C5orf63: variants seen among roughly 807,000 people sequenced by gnomAD.
The protein encoded by C5orf63 is glutaredoxin-like protein C5orf63.
Under a neutral mutation model 13.3 loss-of-function variants are expected in C5orf63, and 18 were observed. That is an observed-to-expected ratio of 1.36 (90% CI 0.94 to 2.01). C5orf63 has a LOEUF of 2.01. C5orf63 is among the 30% of genes most tolerant of loss of function. The probability of loss-of-function intolerance (pLI) is 0.00; values close to 1 mark genes in which losing one functional copy is unlikely to be tolerated. For missense variants in C5orf63, 118 were observed against 127.7 expected (o/e 0.92, Z 0.36); for synonymous variants, 38 against 44.7 (o/e 0.85, Z 0.60).
downstream of C5orf63, among the ~76,000 whole-genome samples, chr5:127,048,270 CA>C (rs1753569294): frequency 3.3e-5 from 5 of 151,850 alleles, no homozygotes; most frequent in African/African-American, 1.2e-4. Flanking sequence ...CACACACACA[CA>C]CACACACACA....
chr5:127,047,697 C>T (rs2126877877), downstream of C5orf63: 1 of 703,772 alleles, frequency 1.4e-6, no homozygotes, highest in East Asian at 2.7e-5. Flanking sequence ...AACAACAGGT[C>T]ATATCAGGAC....
downstream of C5orf63, among the ~76,000 whole-genome samples, chr5:127,049,232 C>T (rs888120908): frequency 1.3e-5 from 2 of 152,140 alleles, no homozygotes; most frequent in South Asian, 4.1e-4. Flanking sequence ...GCCAAAAGCA[C>T]ATTAGCTAAG....
intron 3 of C5orf63, among the ~76,000 whole-genome samples, chr5:127,052,976 T>G (rs180683912): frequency 6.6e-6 from 1 of 152,342 alleles, no homozygotes; most frequent in African/African-American, 2.4e-5. Flanking sequence ...TTCACTGATC[T>G]AAGGGCTTTG....
At chr5:127,054,594 T>C (rs958041248) in intron 3 of C5orf63, among the ~76,000 whole-genome samples, 6 of 152,246 alleles carry the variant, frequency 3.9e-5, no homozygotes, top group Non-Finnish European at 7.3e-5. Context: ...TTTGATTTTT[T>C]CTTGTAAATT....
At chr5:127,061,317 C>T (rs767189592) in intron 2 of C5orf63, among the ~76,000 whole-genome samples, 12 of 152,236 alleles carry the variant, frequency 7.9e-5, no homozygotes, top group East Asian at 1.9e-4. Flanking sequence ...CAGAATGATA[C>T]GACTTTAGAG....
intron 2 of C5orf63, among the ~76,000 whole-genome samples, chr5:127,063,546 C>T (rs1754190910): frequency 6.6e-6 from 1 of 152,178 alleles, no homozygotes. Flanking sequence ...TACAAAGAAT[C>T]CTTTGGCACA....
At chr5:127,053,632 G>A (rs1267809626) in intron 3 of C5orf63, among the ~76,000 whole-genome samples, 1 of 152,118 alleles carries the variant, frequency 6.6e-6, no homozygotes, top group African/African-American at 2.4e-5. Flanking sequence ...CACACCCTGT[G>A]TCCAAGTGTT....
intron 2 of C5orf63, among the ~76,000 whole-genome samples, chr5:127,062,423 A>T (rs1460265679): frequency 5.3e-5 from 8 of 152,244 alleles, no homozygotes; most frequent in African/African-American, 1.9e-4. Context: ...TCTAAGGTAT[A>T]TGCATTTTGT....
rs967509607 is a variant in C5orf63, at chr5:127,057,086, G to C, written c.114+1796C>G. The stretch of plus-strand genomic sequence containing the variant: ...GCTGAGTGAGCAACACCAGCCTTAA[G>C]GGATTATTTAACTTCTGTGGTTTGC... On this transcript the variant is annotated intron_variant, in intron 3 of 4. Transcript: ENST00000296662. Among the ~76,000 whole-genome samples, 3 of 152,294 alleles carry C rather than the reference G, an allele frequency of 2.0e-5. No individual in the cohort carries two copies. The South Asian group carries it at 6.2e-4, about 32-fold the overall frequency.
intron 3 of C5orf63, among the ~76,000 whole-genome samples, chr5:127,055,630 G>C (rs1753854031): frequency 1.3e-5 from 2 of 152,118 alleles, no homozygotes; most frequent in South Asian, 4.1e-4. Flanking sequence ...GTTATTATTA[G>C]CATTAGCAAT....
Position 127,051,751 on chromosome 5 carries a change from G to GAA in C5orf63, c.*18_*19dup, listed in dbSNP as rs1753682322. ...AGATGCTTTATGGGAAGAGAGGGTGGAAAATCATGAGGGCATCAGTCAGCC... is the reference window on the plus strand; with the variant it reads ...AGATGCTTTATGGGAAGAGAGGGTGGAAAAAATCATGAGGGCATCAGTCAGCC... On this transcript the variant is annotated 3_prime_UTR_variant, in exon 5 of 5. Transcript: ENST00000296662. 5 of 1,471,234 alleles carry GAA rather than the reference G, an allele frequency of 3.4e-6. No individual in the cohort carries two copies. In the East Asian group the frequency reaches 1.3e-4, roughly 37 times the overall value. The allele number at this position is 1,471,234 out of a possible 1,614,324, so 91.1% of individuals were successfully genotyped here.
chr5:127,053,700 T>C (rs983227389), intron 3 of C5orf63, among the ~76,000 whole-genome samples: 6 of 152,370 alleles, frequency 3.9e-5, no homozygotes, highest in South Asian at 2.1e-4. Flanking sequence ...TTTCTGTCCA[T>C]GCGACAGTTT....
intron 2 of C5orf63, among the ~76,000 whole-genome samples, chr5:127,071,173 AC>A (rs2126904903): frequency 6.6e-6 from 1 of 152,304 alleles, no homozygotes; most frequent in South Asian, 2.1e-4. Context: ...AGAAACTCAC[AC>A]CTTGAGCAGG....
At chr5:127,063,422 C>T (rs1561491721) in intron 2 of C5orf63, among the ~76,000 whole-genome samples, 1 of 152,200 alleles carries the variant, frequency 6.6e-6, no homozygotes, top group Non-Finnish European at 1.5e-5. Context: ...CTGCACATCA[C>T]TTGTATGGAG....
chr5:127,069,969 T>C (rs950848663), intron 2 of C5orf63, among the ~76,000 whole-genome samples: 4 of 152,234 alleles, frequency 2.6e-5, no homozygotes, highest in African/African-American at 9.6e-5. Flanking sequence ...ACACAGAATT[T>C]CAGAACTAGA....
intron 4 of C5orf63, 107 bp from the exon 5 acceptor site, chr5:127,052,054 GTTGT>G (rs945246373): frequency 8.3e-6 from 8 of 961,628 alleles, no homozygotes; most frequent in African/African-American, 5.0e-5. Flanking sequence ...TTTCCTTATA[GTTGT>G]TTGTTTGTTT....
At chr5:127,044,310 G>A (rs1308573155), downstream of C5orf63, 1 of 152,088 alleles carries the variant, frequency 6.6e-6, no homozygotes, top group Non-Finnish European at 1.5e-5. Flanking sequence ...GCACTCCTAT[G>A]TGCTGCTTCT....
chr5:127,051,754 A>G lies in C5orf63; in HGVS notation c.*17T>C, dbSNP rs913496695. The G allele has an allele frequency of 5.4e-6, 8 of 1,472,578 alleles. No homozygotes were observed. Among genetic ancestry groups the G allele is most frequent in the Non-Finnish European group, 7.2e-6 (8 of 1,116,764 alleles). The allele number at this position is 1,472,578 out of a possible 1,614,324, so 91.2% of individuals were successfully genotyped here. A position where few individuals can be genotyped will look rare whatever the true frequency, so the allele number is the denominator to read the frequency against. On this transcript the variant is annotated 3_prime_UTR_variant, in exon 5 of 5. Coordinates refer to ENST00000296662, the MANE Select transcript of C5orf63 (RefSeq NM_001164478.2). The stretch of plus-strand genomic sequence containing the variant: ...TGCTTTATGGGAAGAGAGGGTGGAA[A>G]ATCATGAGGGCATCAGTCAGCCTCC...
intron 3 of C5orf63, among the ~76,000 whole-genome samples, chr5:127,055,086 AT>A (rs1454532853): frequency 1.3e-5 from 2 of 152,010 alleles, no homozygotes; most frequent in African/African-American, 4.8e-5. Context: ...GTTCTGTTCC[AT>A]TTGTCTATAT....
Sources: allele counts gnomAD v4.1 joint callset (sites outside exome capture counted in the v4.1 genomes callset), GRCh38; gene constraint gnomAD v4.1.1; transcripts MANE v1.5; gene names NCBI Gene and HGNC (gene_info 2026-07-23, HGNC 2026-07-21).